FREM3: variants seen among roughly 807,000 people sequenced by gnomAD.
FREM3 encodes FRAS1 related extracellular matrix 3, also known as FRAS1-related extracellular matrix protein 3.
In FREM3, 105 loss-of-function variants were observed where a neutral mutation model predicts 129.1. The observed-to-expected ratio is 0.81, with a 90% CI of 0.69 to 0.96. The LOEUF (loss-of-function observed/expected upper bound fraction) is 0.96. Among genes scored for constraint, FREM3 ranks in the 40% least tolerant of loss-of-function variants. The pLI is 0.00. For synonymous variants in FREM3, 1,014 were observed against 1,044.9 expected (o/e 0.97, Z 0.57); for missense variants, 2,593 against 2,666.3 (o/e 0.97, Z 0.61).
intron 2 of FREM3, among the ~76,000 whole-genome samples, chr4:143,665,756 A>G (rs1469601704): frequency 2.0e-5 from 3 of 152,160 alleles, no homozygotes; most frequent in Non-Finnish European, 4.4e-5. Context: ...CTGCCTTTTC[A>G]GAACTCCAGT....
At chr4:143,682,591 G>GT (rs1341043910) in intron 2 of FREM3, among the ~76,000 whole-genome samples, 1 of 152,148 alleles carries the variant, frequency 6.6e-6, no homozygotes, top group Non-Finnish European at 1.5e-5. Context: ...CCCTGCTTTT[G>GT]TTCTTTTGTT....
chr4:143,623,941 G>A (rs1246614612), intron 4 of FREM3, among the ~76,000 whole-genome samples, 167 bp downstream of exon 4: 3 of 152,144 alleles, frequency 2.0e-5, no homozygotes, highest in Non-Finnish European at 2.9e-5. Context: ...CAAAAATCCT[G>A]AGAGCAAATG....
In FREM3 at chr4:143,662,655, A is replaced by G. The variant is rs550114220; in HGVS notation, c.5275+30458T>C. 1.3e-4 allele frequency among the ~76,000 whole-genome samples: 19 copies of G among 151,976 alleles called. 1 individual carries two copies. The South Asian group carries it at 3.5e-3, about 28-fold the overall frequency. On this transcript the variant is annotated intron_variant, in intron 2 of 7. Transcript: ENST00000329798. ...GATATCCTTGTTAACTTTCTTTCTC[A>G]TTGATCTGTCTAATGTTGACAGTGG... is the stretch of plus-strand genomic sequence containing the variant.
At chr4:143,621,183 C>G (rs552524757) in intron 4 of FREM3, 21 bp from the exon 5 acceptor site, 1 of 1,536,242 alleles carries the variant, frequency 6.5e-7, no homozygotes, top group South Asian at 1.2e-5. Flanking sequence ...TGGCAGAAGA[C>G]TTTTCACCAA....
intron 6 of FREM3, among the ~76,000 whole-genome samples, chr4:143,589,732 T>G (rs1475314854): frequency 6.6e-6 from 1 of 152,208 alleles, no homozygotes; most frequent in Non-Finnish European, 1.5e-5. Context: ...GGGCTCTTTT[T>G]TGGTTCCATA....
intron 6 of FREM3, among the ~76,000 whole-genome samples, chr4:143,608,885 T>C (rs1458393439): frequency 1.3e-5 from 2 of 152,278 alleles, no homozygotes; most frequent in South Asian, 2.1e-4. Flanking sequence ...CTCTCTTTTT[T>C]ACCTGGCTTG....
chr4:143,699,568 G>A lies in FREM3; in HGVS notation c.1108C>T (p.Leu370=), dbSNP rs757376490. The change falls in exon 1 of 8, where the codon CTA becomes TTA. Residue 370 remains leucine (L), a synonymous_variant. Coordinates refer to ENST00000329798, the MANE Select transcript of FREM3 (RefSeq NM_001168235.2). This position sits in a 1 kb window ranked among gnomAD's most constrained non-coding sequence, Gnocchi z 4.2. The part of the protein sequence containing the change: ...QGYVVSTDDP[L]GLPVSFFTQQ... Reference sequence around the variant, plus strand: ...GTGAAGAAGGAGACTGGAAGCCCTAGAGGGTCGTCGGTGCTGACCACGTAG... The same window carrying A: ...GTGAAGAAGGAGACTGGAAGCCCTAAAGGGTCGTCGGTGCTGACCACGTAG... 28 of 1,536,462 alleles carry A rather than the reference G, an allele frequency of 1.8e-5. No homozygotes were observed. The East Asian group carries it at 6.8e-4, about 38-fold the overall frequency.
chr4:143,674,073 A>C (rs1442451423), intron 2 of FREM3, among the ~76,000 whole-genome samples: 1 of 152,146 alleles, frequency 6.6e-6, no homozygotes, highest in East Asian at 1.9e-4. Flanking sequence ...GCTTTGGCTT[A>C]CGCTTGGTGT....
At chr4:143,630,640 A>G (rs962043773) in intron 2 of FREM3, among the ~76,000 whole-genome samples, 2 of 152,168 alleles carry the variant, frequency 1.3e-5, no homozygotes, top group Non-Finnish European at 2.9e-5. Flanking sequence ...CTGTGACCAC[A>G]TGCTTGCTGT....
At chr4:143,660,404 T>C (rs975268300) in intron 2 of FREM3, among the ~76,000 whole-genome samples, 7 of 152,132 alleles carry the variant, frequency 4.6e-5, no homozygotes, top group East Asian at 1.9e-4. Context: ...AGATATGCGG[T>C]GTTATTTCTG....
rs1336315394 is a variant in FREM3, at chr4:143,698,645, C to G, written c.2031G>C (p.Gln677His). 6.5e-7 allele frequency: 1 copy of G among 1,537,642 alleles called. No individual in the cohort carries two copies. Among genetic ancestry groups the G allele is most frequent in the East Asian group, 2.4e-5 (1 of 40,930 alleles). ...AGAGATTGGGTGGGTCATGGTCATC[C>G]TGCACATGGAAAGCCAGCTGGACCA... ...SVMVQLAFHV[Q>H]DDHDPPNLSK... Residue 677 changes from glutamine (Q) to histidine (H), a missense_variant, in exon 1 of 8, where the codon CAG becomes CAC. This residue lies in a region of FREM3 where 2,276 missense variants were observed against 2,267.2 expected (regional missense o/e 1.00). Coordinates refer to ENST00000329798, the MANE Select transcript of FREM3 (RefSeq NM_001168235.2).
intron 2 of FREM3, among the ~76,000 whole-genome samples, chr4:143,680,751 C>CT (rs1490497067): frequency 6.6e-6 from 1 of 152,028 alleles, no homozygotes; most frequent in African/African-American, 2.4e-5. Flanking sequence ...TTCTAACTTG[C>CT]TTTTGAATTA....
intron 2 of FREM3, among the ~76,000 whole-genome samples, chr4:143,657,383 G>A (rs571679675): frequency 1.3e-5 from 2 of 152,306 alleles, no homozygotes; most frequent in African/African-American, 4.8e-5. Flanking sequence ...ACAGTCAATA[G>A]CATTCTCAGA....
rs1426167641 is a variant in FREM3, at chr4:143,698,752, C to T, written c.1924G>A (p.Val642Met). The T allele has an allele frequency of 1.3e-6, 2 of 1,537,494 alleles. No individual in the cohort carries two copies. Among genetic ancestry groups the T allele is most frequent in the South Asian group, 1.2e-5 (1 of 84,056 alleles). The change falls in exon 1 of 8, where the codon GTG becomes ATG. Residue 642 changes from valine (V) to methionine (M), a missense_variant. Coordinates refer to ENST00000329798, the MANE Select transcript of FREM3 (RefSeq NM_001168235.2). ...MEKEGLYEKVVTEWLQRDIME... is the reference protein window; with the variant it reads ...MEKEGLYEKVMTEWLQRDIME... The stretch of plus-strand genomic sequence containing the variant: ...ATGTCTCTCTGTAGCCACTCAGTCA[C>T]CACTTTCTCATAAAGCCCTTCCTTT...
intron 2 of FREM3, among the ~76,000 whole-genome samples, chr4:143,645,610 C>T (rs552758447): frequency 2.1e-4 from 32 of 152,328 alleles, no homozygotes; most frequent in African/African-American, 7.0e-4. Flanking sequence ...TGCCTGCTGG[C>T]TTGTCCTGCA....
chr4:143,663,625 C>T (rs935867786), intron 2 of FREM3, among the ~76,000 whole-genome samples: 54 of 152,156 alleles, frequency 3.5e-4, no homozygotes, highest in Middle Eastern at 3.4e-3. Context: ...AATCTGAATG[C>T]TGGCCTGCCT....
At chr4:143,641,139 T>C (rs560260505) in intron 2 of FREM3, among the ~76,000 whole-genome samples, 9 of 152,060 alleles carry the variant, frequency 5.9e-5, no homozygotes, top group African/African-American at 1.9e-4. Context: ...TCAGTGAAAA[T>C]AGGAGGTGTA....
chr4:143,588,607 T>C (rs1578822567), intron 6 of FREM3, among the ~76,000 whole-genome samples: 1 of 152,190 alleles, frequency 6.6e-6, no homozygotes, highest in African/African-American at 2.4e-5. Flanking sequence ...TACTCCATGG[T>C]GTATATGTGC....
rs574974847 is a variant in FREM3 at position 143,620,360 on chromosome 4, A to G, written c.5779+677T>C. ...TGAAAGTGATGGTGGCTGACATACT[A>G]CAGCGAGCTCTAAATAGCCTTTTCT... On this transcript the variant is annotated intron_variant, in intron 5 of 7. Coordinates refer to ENST00000329798, the MANE Select transcript of FREM3 (RefSeq NM_001168235.2). Among the ~76,000 whole-genome samples the G allele has an allele frequency of 9.8e-5, 15 of 152,310 alleles. No homozygotes were observed. In the South Asian group the frequency reaches 3.1e-3, roughly 32 times the overall value.
Sources: gnomAD v4.1 joint callset for allele counts (sites outside exome capture counted in the v4.1 genomes callset) on GRCh38, gnomAD v4.1.1 for gene constraint, gnomAD v4.1.1 regional missense constraint, Gnocchi (gnomAD v3.1) non-coding constraint, MANE v1.5 for transcripts, NCBI Gene and HGNC (gene_info 2026-07-23, HGNC 2026-07-21) for gene names.